ARHGAP15: variants seen among roughly 807,000 people sequenced by gnomAD.
ARHGAP15 encodes Rho GTPase activating protein 15.
ARHGAP15 carries 51 observed loss-of-function variants against 63.7 expected under a neutral mutation model. The observed-to-expected ratio is 0.80, with a 90% confidence interval of 0.64 to 1.01. The LOEUF is 1.01. ARHGAP15 is among the 50% of genes least tolerant of loss of function. The pLI is 0.00. For synonymous variants in ARHGAP15, 191 were observed against 193.8 expected, an observed-to-expected ratio of 0.99 and a Z score of 0.12; for missense variants, 560 against 564.6, an observed-to-expected ratio of 0.99 and a Z score of 0.08.
At chr2:143,180,356 A>G (rs1019790663) in intron 2 of ARHGAP15, among the ~76,000 whole-genome samples, 2 of 152,216 alleles carry the variant, frequency 1.3e-5, no homozygotes, top group African/African-American at 4.8e-5. Flanking sequence ...TTAAAATTTT[A>G]TCATGAGATT....
At chr2:143,741,872 A>C (rs1454120366) in intron 13 of ARHGAP15, among the ~76,000 whole-genome samples, 1 of 152,234 alleles carries the variant, frequency 6.6e-6, no homozygotes, top group Non-Finnish European at 1.5e-5. Context: ...ATGAGAAATA[A>C]AAATGAACTC....
intron 6 of ARHGAP15, among the ~76,000 whole-genome samples, chr2:143,412,726 C>T (rs1688498411): frequency 9.8e-6 from 1 of 102,352 alleles, no homozygotes; most frequent in South Asian, 3.6e-4. Context: ...GTTTCAGCAG[C>T]TTTGAAAAGT....
intron 6 of ARHGAP15, among the ~76,000 whole-genome samples, chr2:143,420,138 A>G (rs1688857454): frequency 6.6e-6 from 1 of 152,156 alleles, no homozygotes; most frequent in Non-Finnish European, 1.5e-5. Flanking sequence ...ATGTGGGGAA[A>G]TGCAGTTCAC....
At chr2:143,322,762 G>T (rs78565746) in intron 6 of ARHGAP15, among the ~76,000 whole-genome samples, 2,445 of 152,218 alleles carry the variant, frequency 0.016, 76 homozygotes, top group African/African-American at 0.055. Context: ...ATGATGCTTC[G>T]ATGTGGTACT....
At chr2:143,431,504 C>G (rs1689387948) in intron 6 of ARHGAP15, among the ~76,000 whole-genome samples, 1 of 152,010 alleles carries the variant, frequency 6.6e-6, no homozygotes. Context: ...TACTGAAGTT[C>G]TGATACAATC....
intron 6 of ARHGAP15, among the ~76,000 whole-genome samples, chr2:143,267,163 G>T (rs1558854689): frequency 6.6e-6 from 1 of 152,070 alleles, no homozygotes; most frequent in South Asian, 2.1e-4. Flanking sequence ...AAGAATTGTA[G>T]ACCCTACCAC....
intron 13 of ARHGAP15, among the ~76,000 whole-genome samples, chr2:143,764,484 T>A (rs1440384289): frequency 6.6e-6 from 1 of 152,202 alleles, no homozygotes; most frequent in African/African-American, 2.4e-5. Context: ...AGACCAGGTC[T>A]TTTGCTGAGC....
At chr2:143,448,057 T>C (rs1392842241) in intron 8 of ARHGAP15, among the ~76,000 whole-genome samples, 1 of 152,170 alleles carries the variant, frequency 6.6e-6, no homozygotes, top group Non-Finnish European at 1.5e-5. Flanking sequence ...TGGAGTTTAA[T>C]GCTGCTGTGG....
At chr2:143,143,433 A>C (rs1689451236) in intron 1 of ARHGAP15, among the ~76,000 whole-genome samples, 1 of 152,074 alleles carries the variant, frequency 6.6e-6, no homozygotes, top group African/African-American at 2.4e-5. Flanking sequence ...AAGTAATGTG[A>C]ACTGGCAAAT....
intron 6 of ARHGAP15, among the ~76,000 whole-genome samples, chr2:143,337,303 G>A (rs1221380729): frequency 6.6e-6 from 1 of 152,168 alleles, no homozygotes; most frequent in Non-Finnish European, 1.5e-5. Context: ...GGGCCAGATT[G>A]CAGTTTTGAT....
intron 1 of ARHGAP15, among the ~76,000 whole-genome samples, chr2:143,149,706 A>G (rs982565726): frequency 5.3e-5 from 8 of 152,036 alleles, no homozygotes; most frequent in African/African-American, 1.9e-4. Flanking sequence ...TAGTTTATTT[A>G]CTCTAAGAAA....
intron 12 of ARHGAP15, chr2:143,648,979 A>G (rs1681032465): frequency 6.6e-6 from 1 of 152,008 alleles, no homozygotes; most frequent in African/African-American, 2.4e-5. Flanking sequence ...TTTTAGTCTC[A>G]GACCTAGTAA....
intron 12 of ARHGAP15, among the ~76,000 whole-genome samples, chr2:143,695,123 C>T (rs930024449): frequency 2.0e-5 from 3 of 151,582 alleles, no homozygotes; most frequent in Non-Finnish European, 4.4e-5. Flanking sequence ...TTTCAAATGA[C>T]TCAAAATAGT....
intron 11 of ARHGAP15, chr2:143,597,908 T>C (rs1559071791): frequency 6.6e-6 from 1 of 152,086 alleles, no homozygotes; most frequent in Non-Finnish European, 1.5e-5. Context: ...TACTAGCATC[T>C]AGTGAGGGTC....
At chr2:143,318,081 C>T (rs1683807356) in intron 6 of ARHGAP15, among the ~76,000 whole-genome samples, 1 of 151,984 alleles carries the variant, frequency 6.6e-6, no homozygotes, top group Non-Finnish European at 1.5e-5. Context: ...TCAATGCAAC[C>T]TCCGCCTCCC....
At chr2:143,145,640 C>T (rs932802938) in intron 1 of ARHGAP15, among the ~76,000 whole-genome samples, 1 of 151,970 alleles carries the variant, frequency 6.6e-6, no homozygotes, top group Non-Finnish European at 1.5e-5. Context: ...CAACTTGTAT[C>T]CCCAGTTGCC....
intron 9 of ARHGAP15, among the ~76,000 whole-genome samples, chr2:143,511,066 T>G (rs1693563255): frequency 6.6e-6 from 1 of 152,222 alleles, no homozygotes; most frequent in South Asian, 2.1e-4. Context: ...TCAAAAAACT[T>G]ATAGCAGTGA....
intron 12 of ARHGAP15, among the ~76,000 whole-genome samples, chr2:143,648,387 G>A (rs1680994720): frequency 6.6e-6 from 1 of 151,992 alleles, no homozygotes; most frequent in Admixed American, 6.6e-5. Context: ...GTAGCCTACA[G>A]GGTAATTCAG....
rs375768592 is a variant in ARHGAP15 at position 143,564,951 on chromosome 2, TAGG to T, written c.1003+8469_1003+8471del. On this transcript the variant is annotated intron_variant, in intron 11 of 13. Transcript: ENST00000295095. Reference sequence around the variant, plus strand: ...AATACATTTATATCATTGCTGATAATAGGAGCATTTAATTGAGAATCTACTACA... The same window carrying T: ...AATACATTTATATCATTGCTGATAATAGCATTTAATTGAGAATCTACTACA... 1.1e-4 allele frequency among the ~76,000 whole-genome samples: 17 copies of T among 152,280 alleles called. 1 individual carries two copies. Among genetic ancestry groups the T allele is most frequent in the African/African-American group, 4.1e-4 (17 of 41,564 alleles).
Sources: gnomAD v4.1 joint callset for allele counts (sites outside exome capture counted in the v4.1 genomes callset) on GRCh38, gnomAD v4.1.1 for gene constraint, MANE v1.5 for transcripts, NCBI Gene and HGNC (gene_info 2026-07-23, HGNC 2026-07-21) for gene names.